The following UBE2D3 variants were observed in gnomAD, a reference collection of about 807,000 sequenced individuals.
UBE2D3 encodes ubiquitin-conjugating enzyme E2 D3.
A neutral mutation model predicts 22.8 loss-of-function variants in UBE2D3; 2 were observed. The observed-to-expected ratio is 0.09, with a 90% CI of 0.04 to 0.28. The LOEUF is 0.28. UBE2D3 is among the 10% of genes least tolerant of loss of function. The probability of loss-of-function intolerance (pLI) is 1.00; values close to 1 mark genes in which losing one functional copy is unlikely to be tolerated. For synonymous variants in UBE2D3, 56 were observed against 60.4 expected, an observed-to-expected ratio of 0.93 and a Z score of 0.34; for missense variants, 27 against 182.5, an observed-to-expected ratio of 0.15 and a Z score of 4.91.
chr4:102,848,194 T>C (rs1732146598), intron 1 of UBE2D3, among the ~76,000 whole-genome samples: 1 of 152,100 alleles, frequency 6.6e-6, no homozygotes. Context: ...CTTGATTTCA[T>C]GTTGTTACTG....
intron 1 of UBE2D3, among the ~76,000 whole-genome samples, chr4:102,847,912 G>A (rs1732122328): frequency 6.6e-6 from 1 of 152,012 alleles, no homozygotes; most frequent in African/African-American, 2.4e-5. Context: ...TCCCAAATAG[G>A]GGACTACAGG....
intron 6 of UBE2D3, among the ~76,000 whole-genome samples, chr4:102,800,063 C>G (rs1247702195): frequency 6.6e-6 from 1 of 151,976 alleles, no homozygotes; most frequent in Admixed American, 6.6e-5. Flanking sequence ...GTCATCAGCT[C>G]TAGTTTTTAC....
chr4:102,868,771 A>C, exon 1 of UBE2D3: 1 of 1,614,040 alleles, frequency 6.2e-7, no homozygotes, highest in Non-Finnish European at 8.5e-7. Flanking sequence ...CATCGCACAC[A>C]GTATCCTTTC....
intron 4 of UBE2D3, among the ~76,000 whole-genome samples, chr4:102,806,489 A>AT (rs1400901561): frequency 6.6e-6 from 1 of 151,854 alleles, no homozygotes; most frequent in Non-Finnish European, 1.5e-5. Flanking sequence ...GGGAAATGAC[A>AT]TAATAATACA....
intron 1 of UBE2D3, among the ~76,000 whole-genome samples, chr4:102,856,423 G>A (rs1208886641): frequency 6.6e-6 from 1 of 152,024 alleles, no homozygotes; most frequent in East Asian, 1.9e-4. Flanking sequence ...AATAGCAGGT[G>A]GATTGGATCT....
chr4:102,821,318 C>T, intron 2 of UBE2D3, among the ~76,000 whole-genome samples: 1 of 152,076 alleles, frequency 6.6e-6, no homozygotes, highest in East Asian at 1.9e-4. Context: ...AATACCTCCC[C>T]TACTAGATCT....
At chr4:102,801,134 C>T (rs72939670) in intron 6 of UBE2D3, among the ~76,000 whole-genome samples, 263 of 151,934 alleles carry the variant, frequency 1.7e-3, no homozygotes, top group African/African-American at 6.1e-3. Flanking sequence ...GGTAAAAAGG[C>T]CGCAAGTTAG....
At chr4:102,809,191 T>A (rs1727553372) in intron 4 of UBE2D3, 1 of 335,824 alleles carries the variant, frequency 3.0e-6, no homozygotes, top group African/African-American at 2.1e-5. Context: ...TTTGCTATAT[T>A]CAAAATATCA....
At chr4:102,826,942 C>T (rs1186267121) in intron 1 of UBE2D3, 1 of 1,006,466 alleles carries the variant, frequency 9.9e-7, no homozygotes, top group Non-Finnish European at 1.2e-6. Flanking sequence ...GAGCCGGGGC[C>T]TAGTCGGCGC....
At chr4:102,845,295 A>G (rs953262143) in intron 1 of UBE2D3, among the ~76,000 whole-genome samples, 2 of 152,172 alleles carry the variant, frequency 1.3e-5, no homozygotes, top group African/African-American at 4.8e-5. Context: ...CCCTATGGAA[A>G]AGGCTTAGGG....
intron 2 of UBE2D3, 76 bp downstream of exon 2, chr4:102,826,409 C>A: frequency 6.4e-7 from 1 of 1,573,214 alleles, no homozygotes; most frequent in Non-Finnish European, 8.7e-7. Context: ...ATGCTTCCTT[C>A]CCACCCCCAC....
chr4:102,796,101 G>C lies in UBE2D3; in HGVS notation c.*1314C>G, dbSNP rs1361518671. The C allele has an allele frequency of 1.3e-5, 2 of 152,348 alleles. No individual in the cohort carries two copies. The highest frequency in any genetic ancestry group is 2.9e-5 in the Non-Finnish European group (2 of 67,884). The allele number at this position is 152,348 out of a possible 1,614,324, so 9.4% of individuals were successfully genotyped here. A position where few individuals can be genotyped will look rare whatever the true frequency, so the allele number is the denominator to read the frequency against. ...CAATGGATACTCAATATCCCACATA[G>C]ATAAGTCACTTCAACACAGCCTCAT... On this transcript the variant is annotated 3_prime_UTR_variant, in exon 8 of 8. Transcript: ENST00000453744.
At chr4:102,853,135 A>ACTTTTTT (rs752835398) in intron 1 of UBE2D3, among the ~76,000 whole-genome samples, 1 of 88,598 alleles carries the variant, frequency 1.1e-5, no homozygotes, top group African/African-American at 4.7e-5. Context: ...AAACACACAC[A>ACTTTTTT]TTTTTTTTTT....
At chr4:102,815,004 T>C (rs1327854120) in intron 2 of UBE2D3, among the ~76,000 whole-genome samples, 1 of 152,158 alleles carries the variant, frequency 6.6e-6, no homozygotes, top group African/African-American at 2.4e-5. Context: ...AGATTTTACA[T>C]TTAATATATG....
At chr4:102,838,807 CAAAAAAAAAA>C (rs145975514) in intron 1 of UBE2D3, among the ~76,000 whole-genome samples, 3 of 54,312 alleles carry the variant, frequency 5.5e-5, no homozygotes, top group Admixed American at 2.1e-4. Flanking sequence ...CTGTGCTGGG[CAAAAAAAAAA>C]AAAAAAAAAA....
At chr4:102,821,261 T>C (rs141635415) in intron 2 of UBE2D3, among the ~76,000 whole-genome samples, 6 of 152,274 alleles carry the variant, frequency 3.9e-5, no homozygotes, top group South Asian at 2.1e-4. Context: ...ACAAATCACA[T>C]TGTAATAATA....
chr4:102,835,794 G>A (rs563326415), intron 1 of UBE2D3, among the ~76,000 whole-genome samples: 66 of 151,276 alleles, frequency 4.4e-4, no homozygotes, highest in Middle Eastern at 3.4e-3. Flanking sequence ...ATATACCCAT[G>A]AAGCTCACCA....
intron 2 of UBE2D3, among the ~76,000 whole-genome samples, chr4:102,820,590 A>C (rs549137241): frequency 6.6e-6 from 1 of 152,308 alleles, no homozygotes. Context: ...TTCGATCACC[A>C]CTGAAGGTAA....
chr4:102,864,852 G>A (rs1304316227), intron 1 of UBE2D3, among the ~76,000 whole-genome samples: 1 of 152,160 alleles, frequency 6.6e-6, no homozygotes, highest in Non-Finnish European at 1.5e-5. Flanking sequence ...AGCAATGGAA[G>A]AGAATAAGCA....
Sources: allele counts gnomAD v4.1 joint callset (sites outside exome capture counted in the v4.1 genomes callset), GRCh38; gene constraint gnomAD v4.1.1; transcripts MANE v1.5; gene names NCBI Gene and HGNC (gene_info 2026-07-23, HGNC 2026-07-21).